Variants in URB1 observed in about 807,000 individuals in gnomAD.
URB1 encodes the protein nucleolar pre-ribosomal-associated protein 1.
Under a neutral mutation model 242.3 loss-of-function variants are expected in URB1, and 197 were observed. The observed-to-expected ratio is 0.81, with a 90% CI of 0.72 to 0.91. The LOEUF is 0.91. URB1 is among the 40% of genes least tolerant of loss of function. The probability of loss-of-function intolerance (pLI) is 0.00; values close to 1 mark genes in which losing one functional copy is unlikely to be tolerated. For missense variants in URB1, 2,721 were observed against 2,860.5 expected, an observed-to-expected ratio of 0.95 and a Z score of 1.11; for synonymous variants, 1,153 against 1,201.8, an observed-to-expected ratio of 0.96 and a Z score of 0.84.
chr21:32,368,521 A>C lies in URB1; in HGVS notation c.1079T>G (p.Val360Gly). ...AADDDLVADLVVNILKVCPDL... is the reference protein window; with the variant it reads ...AADDDLVADLGVNILKVCPDL... ...CGGGCACACTTTGAGGATGTTTACC[A>C]CAAGGTCAGCCACCAGATCATCATC... The change falls in exon 9 of 39, where the codon GTG becomes GGG. Residue 360 changes from valine (V) to glycine (G), a missense_variant. Val to Gly is a moderately radical substitution (Grantham distance 109). Transcript: ENST00000382751. 6.4e-7 allele frequency: 1 copy of C among 1,551,770 alleles called. No homozygotes were observed. Among genetic ancestry groups the C allele is most frequent in the African/African-American group, 1.4e-5 (1 of 73,166 alleles).
chr21:32,389,370 C>T (rs1413310984), intron 1 of URB1, among the ~76,000 whole-genome samples: 1 of 152,084 alleles, frequency 6.6e-6, no homozygotes, highest in Non-Finnish European at 1.5e-5. Flanking sequence ...AGTGGGATAC[C>T]ACTGAAGGGT....
intron 34 of URB1, among the ~76,000 whole-genome samples, 177 bp from the exon 35 acceptor site, chr21:32,320,817 A>C (rs1601119894): frequency 1.3e-5 from 2 of 152,222 alleles, no homozygotes; most frequent in Non-Finnish European, 2.9e-5. Context: ...TCCCTACAAG[A>C]GACAGCCAGA....
Position 32,384,393 on chromosome 21 carries a change from A to G in URB1, c.354T>C (p.Val118=), listed in dbSNP as rs1026825431. Residue 118 remains valine, a synonymous_variant, in exon 3 of 39, where the codon GTT becomes GTC. Transcript: ENST00000382751. ...RTASDLSHFH[V]VGTNIVKKLM... The stretch of plus-strand genomic sequence containing the variant: ...GCTTTTTCACAATGTTGGTTCCCAC[A>G]ACATGGAAATGTGAAAGATCACTTG... 1.9e-6 allele frequency: 3 copies of G among 1,552,132 alleles called. No individual in the cohort carries two copies. Among genetic ancestry groups the G allele is most frequent in the East Asian group, 2.4e-5 (1 of 40,938 alleles).
Position 32,368,394 on chromosome 21 carries a change from T to C in URB1, c.1197+9A>G, listed in dbSNP as rs2033369439. The C allele has an allele frequency of 3.3e-6, 4 of 1,220,904 alleles. No individual in the cohort carries two copies. In the Admixed American group the frequency reaches 7.4e-5, roughly 22 times the overall value. 75.6% of individuals were successfully genotyped at this position (1,220,904 alleles called of 1,614,324 possible). A position where few individuals can be genotyped will look rare whatever the true frequency, so the allele number is the denominator to read the frequency against. On this transcript the variant is annotated intron_variant, in intron 9 of 38. Transcript: ENST00000382751. Reference sequence around the variant, plus strand: ...AGCTAACAGACTTTTAAATATCATGTTTTTTTACCTTGTTTAGTAGTTTGA... The same window carrying C: ...AGCTAACAGACTTTTAAATATCATGCTTTTTTACCTTGTTTAGTAGTTTGA...
In URB1 at chr21:32,313,891, A is replaced by G. The variant is rs2032634797; in HGVS notation, c.*1027T>C. On this transcript the variant is annotated 3_prime_UTR_variant, in exon 39 of 39. Coordinates refer to ENST00000382751, the MANE Select transcript of URB1 (RefSeq NM_014825.3). ...GAGTAAAATTCTGACCTTTAAAATA[A>G]ATGCAGGCCTATGTGGAGCAAAAAT... is the stretch of plus-strand genomic sequence containing the variant. 2 of 152,240 alleles carry G rather than the reference A, an allele frequency of 1.3e-5. No individual in the cohort carries two copies. Among genetic ancestry groups the G allele is most frequent in the African/African-American group, 4.8e-5 (2 of 41,454 alleles). 9.4% of individuals were successfully genotyped at this position (152,240 alleles called of 1,614,324 possible).
intron 17 of URB1, 126 bp from the exon 18 acceptor site, chr21:32,354,229 G>T: frequency 9.4e-7 from 1 of 1,058,976 alleles, no homozygotes; most frequent in Non-Finnish European, 1.3e-6. Flanking sequence ...CTTGGGGGGA[G>T]CATTTAACAT....
At chr21:32,372,700 A>G (rs1440608463) in intron 7 of URB1, 69 bp from the exon 8 acceptor site, 1 of 1,469,636 alleles carries the variant, frequency 6.8e-7, no homozygotes, top group African/African-American at 1.4e-5. Flanking sequence ...CTAGAGTAAA[A>G]ACAAGGACAA....
intron 8 of URB1, among the ~76,000 whole-genome samples, chr21:32,371,095 C>A (rs1348617542): frequency 1.3e-5 from 2 of 152,170 alleles, no homozygotes; most frequent in Admixed American, 1.3e-4. Context: ...AAAGGGCTGT[C>A]CGGGAAGGCC....
Position 32,361,011 on chromosome 21 carries a change from C to CAGG in URB1, c.1749_1751dup (p.Leu584dup), listed in dbSNP as rs1443632238. Reference sequence around the variant, plus strand: ...CTGCAAGACCTTGAAACCCACCTTTCAGGAGCTTGCTGAAGTCAAAGTTGT... The same window carrying CAGG: ...CTGCAAGACCTTGAAACCCACCTTTCAGGAGGAGCTTGCTGAAGTCAAAGTTGT... On this transcript the variant is annotated inframe_insertion, in exon 13 of 39. Coordinates refer to ENST00000382751, the MANE Select transcript of URB1 (RefSeq NM_014825.3). 1.3e-6 allele frequency: 2 copies of CAGG among 1,548,222 alleles called. No individual in the cohort carries two copies. The highest frequency in any genetic ancestry group is 4.0e-5 in the Admixed American group (2 of 50,218).
Position 32,337,488 on chromosome 21 carries a change from C to T in URB1, c.4537G>A (p.Val1513Met), listed in dbSNP as rs750496883. ...CAGACAGAGGGGCACATCTCCACCA[C>T]CGTCAGCATCAGGTCCACCAGCGCT... ...KEALVDLMLTVVEMCPSVCES... is the reference protein window; with the variant it reads ...KEALVDLMLTMVEMCPSVCES... The change falls in exon 27 of 39, where the codon GTG (valine) becomes ATG (methionine). Residue 1513 changes from valine (V) to methionine (M), a missense_variant. Coordinates refer to ENST00000382751, the MANE Select transcript of URB1 (RefSeq NM_014825.3). The T allele has an allele frequency of 1.1e-5, 17 of 1,551,518 alleles. No individual in the cohort carries two copies. Among genetic ancestry groups the T allele is most frequent in the Non-Finnish European group, 1.4e-5 (16 of 1,147,012 alleles).
intron 28 of URB1, 136 bp downstream of exon 28, chr21:32,336,958 G>C: frequency 1.2e-6 from 1 of 859,438 alleles, no homozygotes; most frequent in Non-Finnish European, 1.9e-6. Flanking sequence ...GCCAGTGTGA[G>C]TCAGGGGAGT....
intron 18 of URB1, 96 bp downstream of exon 18, chr21:32,353,837 C>G: frequency 7.1e-7 from 1 of 1,409,994 alleles, no homozygotes; most frequent in South Asian, 1.5e-5. Flanking sequence ...CCTGGATTCT[C>G]AGCAATTGAT....
Position 32,361,993 on chromosome 21 carries a change from C to A in URB1, c.1538G>T (p.Trp513Leu). 1 of 1,551,548 alleles carries A rather than the reference C, an allele frequency of 6.4e-7. No homozygotes were observed. ...TTGCTTTTTAAGTGACTGCCAGACC[C>A]ACACGACAGTGTTCAGGTCTGGCAA... is the stretch of plus-strand genomic sequence containing the variant. ...KILPDLNTVV[W>L]VWQSLKKQET... Residue 513 changes from tryptophan (W) to leucine (L), a missense_variant, in exon 12 of 39, where the codon TGG becomes TTG. Physicochemically the swap from Trp to Leu is moderately conservative, Grantham distance 61 (BLOSUM62 -2). Transcript: ENST00000382751.
rs56918578 is a variant in URB1 at position 32,385,007 on chromosome 21, A to AAAAGAAAG, written c.282+530_282+537dup. Among the ~76,000 whole-genome samples the AAAAGAAAG allele has an allele frequency of 2.1e-3, 320 of 151,020 alleles. 1 individual carries two copies. The highest frequency in any genetic ancestry group is 6.7e-3 in the African/African-American group (274 of 40,826). ...AAAATGAAAGAAAAGAAAAGAAAAGAAAAGAAAGAAAGAAAGAAAGAAAGA... is the reference window on the plus strand; with the variant it reads ...AAAATGAAAGAAAAGAAAAGAAAAGAAAAGAAAGAAAGAAAGAAAGAAAGAAAGAAAGA... On this transcript the variant is annotated intron_variant, in intron 2 of 38. Transcript: ENST00000382751.
chr21:32,360,428 G>A (rs556614099), intron 13 of URB1, among the ~76,000 whole-genome samples: 1 of 152,292 alleles, frequency 6.6e-6, no homozygotes, highest in Admixed American at 6.5e-5. Context: ...ATTAAAAAGT[G>A]AATTGCAGCT....
chr21:32,319,444 G>A (rs958828), intron 35 of URB1, 30 bp from the exon 36 acceptor site: 1,019,752 of 1,478,648 alleles, frequency 0.69, 366,871 homozygotes, highest in Non-Finnish European at 0.74. Flanking sequence ...CCTTCAATCC[G>A]CCACATCCTG....
At position 32,321,845 on chromosome 21, in the gene URB1, T is replaced by C; in HGVS notation, c.5440A>G (p.Ile1814Val). The C allele has an allele frequency of 6.4e-7, 1 of 1,551,684 alleles. No individual in the cohort carries two copies. Among genetic ancestry groups the C allele is most frequent in the Middle Eastern group, 1.7e-4 (1 of 5,992 alleles). Residue 1814 changes from isoleucine to valine, a missense_variant, in exon 34 of 39, where the codon ATC becomes GTC. Coordinates refer to ENST00000382751, the MANE Select transcript of URB1 (RefSeq NM_014825.3). ...AGCGGGCTGTGGAAGAAGGACAGGATGATGTGGAAGATGCCACGCCGGGCA... is the reference window on the plus strand; with the variant it reads ...AGCGGGCTGTGGAAGAAGGACAGGACGATGTGGAAGATGCCACGCCGGGCA... ...LCARRGIFHI[I>V]LSFFHSPLCD...
At chr21:32,363,127 G>A in intron 11 of URB1, 29 bp downstream of exon 11, 1 of 1,542,162 alleles carries the variant, frequency 6.5e-7, no homozygotes, top group Non-Finnish European at 8.8e-7. Flanking sequence ...AGGTCTGGAA[G>A]GAAAGCCCAA....
Position 32,354,958 on chromosome 21 carries a change from C to T in URB1, c.2146G>A (p.Asp716Asn). The change falls in exon 17 of 39, where the codon GAC (aspartate) becomes AAC (asparagine). Residue 716 changes from aspartate to asparagine, a missense_variant. Asp to Asn is a conservative substitution (Grantham distance 23). Coordinates refer to ENST00000382751, the MANE Select transcript of URB1 (RefSeq NM_014825.3). ...TLVANPYSYT[D>N]KASDFVQEAS... ...TCTTGGACAAAGTCAGATGCTTTGT[C>T]TGTGTATGAATAGGGATTCGCCACC... 2 of 1,552,208 alleles carry T rather than the reference C, an allele frequency of 1.3e-6. No individual in the cohort carries two copies.
Sources: allele counts gnomAD v4.1 joint callset (sites outside exome capture counted in the v4.1 genomes callset), GRCh38; gene constraint gnomAD v4.1.1; transcripts MANE v1.5; gene names NCBI Gene and HGNC (gene_info 2026-07-23, HGNC 2026-07-21).